CENPF: variants seen among roughly 807,000 people sequenced by gnomAD.
CENPF encodes the protein AH antigen.
A neutral mutation model predicts 307.3 loss-of-function variants in CENPF; 214 were observed. The ratio of observed to expected loss-of-function variants is 0.70; its 90% CI spans 0.62 to 0.78. The LOEUF (loss-of-function observed/expected upper bound fraction) is 0.78, where lower values mean the gene tolerates loss of function less well. CENPF is among the 30% of genes least tolerant of loss of function. The pLI, the probability that CENPF is intolerant of heterozygous loss-of-function variation, is 0.00. For missense variants in CENPF, 3,401 were observed against 3,483.9 expected, an observed-to-expected ratio of 0.98 and a Z score of 0.60; for synonymous variants, 1,259 against 1,270.6, an observed-to-expected ratio of 0.99 and a Z score of 0.19.
intron 7 of CENPF, 71 bp from the exon 8 acceptor site, chr1:214,628,975 A>G: frequency 8.0e-7 from 1 of 1,249,734 alleles, no homozygotes; most frequent in South Asian, 1.7e-5. Context: ...CAGTTTTTCT[A>G]AAACACAAAA....
chr1:214,609,857 C>CA (rs757771789), intron 1 of CENPF, among the ~76,000 whole-genome samples: 2 of 152,082 alleles, frequency 1.3e-5, no homozygotes, highest in African/African-American at 2.4e-5. Context: ...CATGTTCCTG[C>CA]AAAAAACCAT....
At chr1:214,651,499 G>A (rs1658459578) in intron 14 of CENPF, among the ~76,000 whole-genome samples, 1 of 152,202 alleles carries the variant, frequency 6.6e-6, no homozygotes, top group Admixed American at 6.5e-5. Context: ...ACCTTGCGAG[G>A]TGGTTGGGCT....
chr1:214,647,465 T>C (rs1658345918), intron 13 of CENPF, 65 bp downstream of exon 13: 1 of 1,479,764 alleles, frequency 6.8e-7, no homozygotes, highest in Admixed American at 2.4e-5. Context: ...TATTTTCTTC[T>C]AGACACTGTG....
At position 214,642,768 on chromosome 1, in the gene CENPF, C is replaced by G. The variant is rs779225737; in HGVS notation, c.4430C>G (p.Ser1477Ter). Residue 1477 changes from serine (S) to a stop codon, truncating the protein, a stop_gained, in exon 12 of 20, where the codon TCA becomes TGA. Transcript: ENST00000366955. LOFTEE classifies it high-confidence loss of function. The part of the protein sequence containing the change: ...GLEEGLVPSL[S>*]SSCVPDSSSL... ...GAGGAGGGGCTCGTTCCATCCCTGT[C>G]ATCCTCTTGTGTGCCTGACAGCTCT... The G allele has an allele frequency of 6.2e-7, 1 of 1,613,956 alleles. No individual in the cohort carries two copies. The highest frequency in any genetic ancestry group is 8.5e-7 in the Non-Finnish European group (1 of 1,179,936).
chr1:214,615,096 C>A, intron 3 of CENPF, 68 bp downstream of exon 3: 1 of 1,118,896 alleles, frequency 8.9e-7, no homozygotes, highest in Non-Finnish European at 1.2e-6. Flanking sequence ...TTTGTCTTTT[C>A]CTTTAACAAT....
chr1:214,663,069 A>T (rs1658827605), intron 19 of CENPF, among the ~76,000 whole-genome samples: 1 of 152,134 alleles, frequency 6.6e-6, no homozygotes, highest in Admixed American at 6.5e-5. Context: ...TTCTTTCCGG[A>T]CTTTATTGTT....
intron 9 of CENPF, among the ~76,000 whole-genome samples, 169 bp downstream of exon 9, chr1:214,630,831 C>T (rs570582740): frequency 1.3e-5 from 2 of 152,296 alleles, no homozygotes; most frequent in Admixed American, 1.3e-4. Flanking sequence ...TAGGTTTCCT[C>T]ATCTAGAGAA....
rs148654343 is a variant in CENPF, at chr1:214,647,043, G to A, written c.7473G>A (p.Glu2491=). 140 of 1,613,966 alleles carry A rather than the reference G, an allele frequency of 8.7e-5. 1 individual carries two copies. In the African/African-American group the frequency reaches 1.8e-3, roughly 20 times the overall value. The part of the protein sequence containing the change: ...EKAQLLQGLD[E]AKNNYIVLQS... ...CTCAGTTGCTACAAGGCCTTGATGA[G>A]GCCAAAAATAATTATATTGTTTTGC... Residue 2491 remains glutamate (E), a synonymous_variant, in exon 13 of 20, where the codon GAG becomes GAA. Coordinates refer to ENST00000366955, the MANE Select transcript of CENPF (RefSeq NM_016343.4).
chr1:214,654,068 C>T (rs981503335), intron 16 of CENPF: 2 of 151,850 alleles, frequency 1.3e-5, no homozygotes, highest in African/African-American at 4.8e-5. Flanking sequence ...CGTCCCCCAT[C>T]CTCATTCCCC....
intron 14 of CENPF, among the ~76,000 whole-genome samples, chr1:214,651,144 A>C (rs941917728): frequency 1.3e-5 from 2 of 152,210 alleles, no homozygotes; most frequent in Non-Finnish European, 2.9e-5. Flanking sequence ...CCACACATAC[A>C]GAAACACATA....
chr1:214,613,126 C>G (rs1236098350), intron 1 of CENPF: 1 of 263,558 alleles, frequency 3.8e-6, no homozygotes, highest in Non-Finnish European at 7.5e-6. Context: ...AACTATTAAC[C>G]CTATTTATAT....
At chr1:214,649,822 G>A (rs998907068) in intron 14 of CENPF, among the ~76,000 whole-genome samples, 1 of 152,202 alleles carries the variant, frequency 6.6e-6, no homozygotes, top group Non-Finnish European at 1.5e-5. Flanking sequence ...ACTGAGAGGA[G>A]TAGTTTGGCC....
rs1361992253 is a variant in CENPF, at chr1:214,622,090, A to C, written c.877A>C (p.Lys293Gln). The change falls in exon 7 of 20, where the codon AAG becomes CAG. Residue 293 changes from lysine to glutamine, a missense_variant. Physicochemically the swap from Lys to Gln is moderately conservative, Grantham distance 53. Transcript: ENST00000366955. ...GTTTGTGGTTCAAGAGCTAAGAAAC[A>C]AGATTAATGAGTTGGAACTACGCCT... ...LKAQNQELRN[K>Q]INELELRLQG... 1 of 1,613,056 alleles carries C rather than the reference A, an allele frequency of 6.2e-7. No homozygotes were observed. Among genetic ancestry groups the C allele is most frequent in the South Asian group, 1.1e-5 (1 of 90,678 alleles).
At position 214,605,660 on chromosome 1, in the gene CENPF, C is replaced by T. The variant is rs191490984; in HGVS notation, c.-42+2339C>T. 5.6e-4 allele frequency: 874 copies of T among 1,562,990 alleles called. 3 individuals carry two copies. Among genetic ancestry groups the T allele is most frequent in the African/African-American group, 3.8e-3 (282 of 74,540 alleles). On this transcript the variant is annotated intron_variant, in intron 1 of 19. Transcript: ENST00000366955. ...GGCTGCCTTATTGCTGAGGTCTGGC[C>T]GGTTGGTGCCGCCGCTAGGCGAGCT...
In CENPF at chr1:214,659,179, G is replaced by T; in HGVS notation, c.9141+151G>T. 1 of 695,886 alleles carries T rather than the reference G, an allele frequency of 1.4e-6. No homozygotes were observed. Among genetic ancestry groups the T allele is most frequent in the South Asian group, 1.9e-5 (1 of 51,816 alleles). The allele number at this position is 695,886 out of a possible 1,614,324, so 43.1% of individuals were successfully genotyped here. On this transcript the variant is annotated intron_variant, in intron 19 of 19. Coordinates refer to ENST00000366955, the MANE Select transcript of CENPF (RefSeq NM_016343.4). The surrounding 1 kb of genome is among the most constrained non-coding windows in gnomAD (Gnocchi z 4.4). Reference sequence around the variant, plus strand: ...GTGTAAGTCAGTCAGTAGTGAGCAAGTGACCGGGTGAGCATTACAGTATCA... The same window carrying T: ...GTGTAAGTCAGTCAGTAGTGAGCAATTGACCGGGTGAGCATTACAGTATCA...
chr1:214,662,980 C>T (rs1048224344), intron 19 of CENPF, among the ~76,000 whole-genome samples: 4 of 152,152 alleles, frequency 2.6e-5, no homozygotes, highest in African/African-American at 9.7e-5. Context: ...AGTTACCTTA[C>T]TCTCTCATCT....
At chr1:214,608,583 A>T in intron 1 of CENPF, 1 of 1,584,862 alleles carries the variant, frequency 6.3e-7, no homozygotes, top group Non-Finnish European at 8.6e-7. Flanking sequence ...GGAAGACCTC[A>T]ATGGTGTCCA....
rs1393981620 is a variant in CENPF at position 214,644,667 on chromosome 1, G to T, written c.5097G>T (p.Gln1699His). 6.2e-7 allele frequency: 1 copy of T among 1,614,084 alleles called. No homozygotes were observed. The highest frequency in any genetic ancestry group is 2.2e-5 in the East Asian group (1 of 44,866). ...DVHQICDKDA[Q>H]QDLNLDIEKI... ...ATCAGATTTGTGATAAAGATGCTCAGCAGGACCTCAATCTAGACATTGAGA... is the reference window on the plus strand; with the variant it reads ...ATCAGATTTGTGATAAAGATGCTCATCAGGACCTCAATCTAGACATTGAGA... The change falls in exon 13 of 20, where the codon CAG (glutamine) becomes CAT (histidine). Residue 1699 changes from glutamine to histidine, a missense_variant. Coordinates refer to ENST00000366955, the MANE Select transcript of CENPF (RefSeq NM_016343.4).
rs1485686165 is a variant in CENPF, at chr1:214,641,632, T to A, written c.3294T>A (p.Asn1098Lys). ...CATTTGCTGAAGAAAGAAATCAGAA[T>A]CTGATGCTAGAGTTGGAGACAGTGC... ...KLAFAEERNQ[N>K]LMLELETVQQ... is the part of the protein sequence containing the mutation. Residue 1098 changes from asparagine (N) to lysine (K), a missense_variant, in exon 12 of 20, where the codon AAT (asparagine) becomes AAA (lysine). Physicochemically the swap from Asn to Lys is moderately conservative, Grantham distance 94. Transcript: ENST00000366955. 1 of 1,565,600 alleles carries A rather than the reference T, an allele frequency of 6.4e-7. No homozygotes were observed. Among genetic ancestry groups the A allele is most frequent in the African/African-American group, 1.4e-5 (1 of 72,378 alleles).
Sources: allele counts gnomAD v4.1 joint callset (sites outside exome capture counted in the v4.1 genomes callset), GRCh38; gene constraint gnomAD v4.1.1; non-coding constraint Gnocchi (gnomAD v3.1); transcripts MANE v1.5; gene names NCBI Gene and HGNC (gene_info 2026-07-23, HGNC 2026-07-21).